Variants in DMD observed in about 807,000 individuals in gnomAD.
DMD encodes the protein dystrophin, also known as mutant dystrophin.
A neutral mutation model predicts 330.1 loss-of-function variants in DMD; 63 were observed. The observed-to-expected ratio is 0.19, with a 90% CI of 0.16 to 0.24. DMD has a LOEUF of 0.24. Among genes scored for constraint, DMD ranks in the 10% least tolerant of loss-of-function variants. The pLI, the probability that DMD is intolerant of heterozygous loss-of-function variation, is 1.00. For missense variants in DMD, 3,344 were observed against 2,684.1 expected (o/e 1.25, Z -5.43); for synonymous variants, 1,223 against 959.8 (o/e 1.27, Z -5.07).
chrX:31,836,636 G>C (rs1041880632), intron 49 of DMD, 82 bp downstream of exon 49: 1 of 778,333 alleles, frequency 1.3e-6, no homozygotes, highest in African/African-American at 2.1e-5. Flanking sequence ...ATTATAAATA[G>C]TCCACGTCAA....
intron 1 of DMD, among the ~76,000 whole-genome samples, chrX:33,060,413 A>T (rs959472236): frequency 1.8e-5 from 2 of 111,622 alleles, no homozygotes; most frequent in African/African-American, 6.5e-5. Context: ...ATGTGCACAG[A>T]CTGGGCTATG....
chrX:33,010,280 A>G (rs188499383), intron 2 of DMD, among the ~76,000 whole-genome samples: 102 of 108,583 alleles, frequency 9.4e-4, no homozygotes, highest in African/African-American at 3.2e-3. Flanking sequence ...GTATATGTAC[A>G]TATATGTGTG....
intron 1 of DMD, among the ~76,000 whole-genome samples, chrX:33,329,433 C>T (rs776481385): frequency 8.9e-6 from 1 of 112,048 alleles, no homozygotes; most frequent in African/African-American, 3.2e-5. Flanking sequence ...GAACTACATG[C>T]ATATGTGCAG....
chrX:32,473,631 G>T (rs1033191796), intron 21 of DMD, among the ~76,000 whole-genome samples: 8 of 111,374 alleles, frequency 7.2e-5, no homozygotes. Flanking sequence ...CTTAGAGAGT[G>T]TGTTGGCAAT....
intron 74 of DMD, among the ~76,000 whole-genome samples, chrX:31,168,517 T>A (rs997263717): frequency 2.7e-5 from 3 of 111,468 alleles, no homozygotes; most frequent in African/African-American, 9.8e-5. Context: ...AGTGGCAGTT[T>A]GTTTTTTCAT....
intron 36 of DMD, among the ~76,000 whole-genome samples, 156 bp downstream of exon 36, chrX:32,364,426 C>T (rs1024578149): frequency 9.0e-6 from 1 of 111,657 alleles, no homozygotes; most frequent in Non-Finnish European, 1.9e-5. Flanking sequence ...CATTCATTTC[C>T]ATTCAAAGGG....
intron 13 of DMD, among the ~76,000 whole-genome samples, chrX:32,579,870 A>C (rs967804519): frequency 2.7e-5 from 3 of 112,986 alleles, no homozygotes; most frequent in Non-Finnish European, 5.6e-5. Flanking sequence ...TAACACGAAG[A>C]AGCATGTTCT....
intron 44 of DMD, among the ~76,000 whole-genome samples, chrX:31,994,687 A>T (rs1316536726): frequency 1.8e-5 from 2 of 111,704 alleles, no homozygotes; most frequent in Non-Finnish European, 3.8e-5. Flanking sequence ...TACATCAGTC[A>T]TTTGCAGAAC....
At chrX:32,173,954 T>A (rs892325680) in intron 44 of DMD, among the ~76,000 whole-genome samples, 83 of 112,047 alleles carry the variant, frequency 7.4e-4, no homozygotes, top group African/African-American at 1.9e-3. Flanking sequence ...GTATAGAAAA[T>A]TTTTAAAAAG....
chrX:32,309,150 G>T (rs1025087898), intron 42 of DMD, among the ~76,000 whole-genome samples: 5 of 111,270 alleles, frequency 4.5e-5, no homozygotes, highest in Non-Finnish European at 9.5e-5. Flanking sequence ...AGTCACTGAA[G>T]ATACTGCAAC....
intron 6 of DMD, among the ~76,000 whole-genome samples, chrX:32,810,569 C>T (rs185736104): frequency 8.9e-6 from 1 of 112,048 alleles, no homozygotes; most frequent in East Asian, 2.8e-4. Flanking sequence ...GACTATTTTA[C>T]TCTCACACAA....
intron 7 of DMD, among the ~76,000 whole-genome samples, chrX:32,724,040 A>ATAAT (rs2066609091): frequency 8.9e-6 from 1 of 111,879 alleles, no homozygotes; most frequent in Non-Finnish European, 1.9e-5. Context: ...TAAAACTAAA[A>ATAAT]TAATTAGCAC....
intron 63 of DMD, among the ~76,000 whole-genome samples, chrX:31,245,348 C>A (rs1415064955): frequency 1.8e-5 from 2 of 111,526 alleles, no homozygotes; most frequent in African/African-American, 3.3e-5. Flanking sequence ...ATTTGTTTTC[C>A]TCCCGAGCAA....
At chrX:32,536,791 A>T (rs993473975) in intron 17 of DMD, among the ~76,000 whole-genome samples, 1 of 111,595 alleles carries the variant, frequency 9.0e-6, no homozygotes, top group Non-Finnish European at 1.9e-5. Flanking sequence ...GAAGGGAGTG[A>T]AGCTGGAGAG....
At chrX:32,816,284 C>G (rs1297332383) in intron 6 of DMD, among the ~76,000 whole-genome samples, 184 bp downstream of exon 6, 1 of 111,912 alleles carries the variant, frequency 8.9e-6, no homozygotes, top group Non-Finnish European at 1.9e-5. Context: ...TTATATGTAT[C>G]CCATAGAACA....
chrX:32,423,285 A>C (rs1417422342), intron 29 of DMD, among the ~76,000 whole-genome samples: 2 of 106,776 alleles, frequency 1.9e-5, no homozygotes, highest in Non-Finnish European at 3.9e-5. Flanking sequence ...CAGAAGAAAT[A>C]ACTCAACTAT....
intron 1 of DMD, among the ~76,000 whole-genome samples, chrX:33,125,627 A>G (rs1281339052): frequency 1.8e-5 from 2 of 112,031 alleles, no homozygotes; most frequent in African/African-American, 6.5e-5. Flanking sequence ...ATAATTTTTG[A>G]ATGTTTGACT....
At chrX:32,788,356 G>T (rs1021182368) in intron 7 of DMD, among the ~76,000 whole-genome samples, 3 of 111,488 alleles carry the variant, frequency 2.7e-5, no homozygotes, top group African/African-American at 9.8e-5. Flanking sequence ...ATTTCTTCAT[G>T]TCAAGTAAAC....
intron 2 of DMD, among the ~76,000 whole-genome samples, chrX:33,010,365 T>C (rs2093677309): frequency 1.9e-5 from 2 of 107,095 alleles, no homozygotes; most frequent in African/African-American, 6.8e-5. Context: ...TGTATATCCA[T>C]ATATATATAT....
Sources: allele counts gnomAD v4.1 joint callset (sites outside exome capture counted in the v4.1 genomes callset), GRCh38; gene constraint gnomAD v4.1.1; transcripts MANE v1.5; gene names NCBI Gene and HGNC (gene_info 2026-07-23, HGNC 2026-07-21).